Variants in GOPC observed in about 807,000 individuals in gnomAD.
GOPC encodes the protein golgi associated PDZ and coiled-coil motif containing, also known as Golgi-associated PDZ and coiled-coil motif-containing protein.
In GOPC, 32 loss-of-function variants were observed where a neutral mutation model predicts 51.2. The ratio of observed to expected loss-of-function variants is 0.63; its 90% confidence interval spans 0.47 to 0.84. The LOEUF is 0.84. Among genes scored for constraint, GOPC ranks in the 40% least tolerant of loss-of-function variants. GOPC has a pLI of 0.00. For synonymous variants in GOPC, 190 were observed against 205.1 expected (o/e 0.93, Z 0.63); for missense variants, 441 against 555.5 (o/e 0.79, Z 2.07).
At chr6:117,574,937 G>C (rs548231258) in intron 4 of GOPC, among the ~76,000 whole-genome samples, 2 of 152,060 alleles carry the variant, frequency 1.3e-5, no homozygotes, top group Non-Finnish European at 2.9e-5. Flanking sequence ...AATTTAGCTG[G>C]CCGTGGTGGC....
chr6:117,598,036 T>A (rs1780225954), intron 1 of GOPC, among the ~76,000 whole-genome samples: 1 of 151,888 alleles, frequency 6.6e-6, no homozygotes, highest in Non-Finnish European at 1.5e-5. Flanking sequence ...AGATACATAA[T>A]GCATGTTCTC....
chr6:117,571,624 G>A (rs538446755), intron 5 of GOPC, among the ~76,000 whole-genome samples: 1 of 152,016 alleles, frequency 6.6e-6, no homozygotes, highest in African/African-American at 2.4e-5. Flanking sequence ...ACCTCTACAC[G>A]AAGTTCATCC....
intron 7 of GOPC, among the ~76,000 whole-genome samples, chr6:117,569,279 T>G (rs1779759826): frequency 6.6e-6 from 1 of 152,226 alleles, no homozygotes; most frequent in Non-Finnish European, 1.5e-5. Flanking sequence ...GTACTTTATA[T>G]GTATTAACAT....
intron 1 of GOPC, among the ~76,000 whole-genome samples, chr6:117,588,179 G>A (rs922458525): frequency 6.6e-6 from 1 of 151,906 alleles, no homozygotes; most frequent in African/African-American, 2.4e-5. Context: ...CCTGGGACTG[G>A]GTAATTTATA....
intron 1 of GOPC, among the ~76,000 whole-genome samples, chr6:117,596,419 G>T (rs1780199162): frequency 1.3e-5 from 2 of 152,092 alleles, no homozygotes; most frequent in African/African-American, 4.8e-5. Flanking sequence ...ATTTATCTTT[G>T]TTTTTGTTGT....
chr6:117,591,908 TAATGA>T (rs970017062), intron 1 of GOPC, among the ~76,000 whole-genome samples: 1 of 152,222 alleles, frequency 6.6e-6, no homozygotes, highest in African/African-American at 2.4e-5. Context: ...TTGGAAGGAA[TAATGA>T]TTAGGAGACT....
rs1260673132 is a variant in GOPC at position 117,566,867 on chromosome 6, G to T, written c.1245C>A (p.Ile415=). The T allele has an allele frequency of 6.4e-7, 1 of 1,569,746 alleles. No homozygotes were observed. The change falls in exon 8 of 9, where the codon ATC becomes ATA. Residue 415 remains isoleucine, a synonymous_variant. Transcript: ENST00000368498. ...GASCKDTSGE[I]KVLQGFNKKA... is the part of the protein sequence containing the mutation. ...AGTGATTTTTACCTTGTAATACTTTGATTTCCCCACTTGTGTCTTTGCAAC... is the reference window on the plus strand; with the variant it reads ...AGTGATTTTTACCTTGTAATACTTTTATTTCCCCACTTGTGTCTTTGCAAC...
rs1771921850 is a variant in GOPC at position 117,598,389 on chromosome 6, A to T, written c.285+3615T>A. On this transcript the variant is annotated intron_variant, in intron 1 of 8. Transcript: ENST00000368498. ...CCCTGTCTCAAAAAAAGAAAAAAAA[A>T]AGTTGACCTCATAGAAGTAGAGAAT... 5.3e-5 allele frequency among the ~76,000 whole-genome samples: 8 copies of T among 152,048 alleles called. No individual in the cohort carries two copies. The South Asian group carries it at 1.7e-3, about 32-fold the overall frequency.
At chr6:117,581,866 T>C (rs986379451) in intron 1 of GOPC, among the ~76,000 whole-genome samples, 2 of 152,150 alleles carry the variant, frequency 1.3e-5, no homozygotes, top group Non-Finnish European at 2.9e-5. Flanking sequence ...TTCTCTTGAG[T>C]ATATATCTAG....
rs747734760 is a variant in GOPC at position 117,602,159 on chromosome 6, C to A, written c.130G>T (p.Ala44Ser). Residue 44 changes from alanine to serine, a missense_variant, in exon 1 of 9, where the codon GCT (alanine) becomes TCT (serine). Coordinates refer to ENST00000368498, the MANE Select transcript of GOPC (RefSeq NM_020399.4). ...LEVLEKEFDK[A>S]FVDVDLLLGE... ...AGGAGCAGATCCACATCCACAAAAG[C>A]TTTGTCGAACTCCTTCTCCAGCACC... is the stretch of plus-strand genomic sequence containing the variant. 5.6e-6 allele frequency: 9 copies of A among 1,613,942 alleles called. No individual in the cohort carries two copies. The East Asian group carries it at 2.0e-4, about 36-fold the overall frequency.
At chr6:117,567,435 A>G (rs997015227) in intron 7 of GOPC, among the ~76,000 whole-genome samples, 18 of 152,230 alleles carry the variant, frequency 1.2e-4, no homozygotes, top group African/African-American at 4.1e-4. Flanking sequence ...AGGATATCAT[A>G]CAAACCTTTC....
At chr6:117,569,864 G>A in intron 6 of GOPC, 128 bp from the exon 7 acceptor site, 16 of 1,041,794 alleles carry the variant, frequency 1.5e-5, no homozygotes, top group South Asian at 2.8e-5. Context: ...ATAAATGCTG[G>A]GTAAAATTTT....
At chr6:117,583,619 T>A (rs1476845848) in intron 1 of GOPC, among the ~76,000 whole-genome samples, 3 of 152,246 alleles carry the variant, frequency 2.0e-5, no homozygotes, top group African/African-American at 7.2e-5. Flanking sequence ...AATACACATG[T>A]AAAGTCGTCA....
intron 1 of GOPC, among the ~76,000 whole-genome samples, chr6:117,584,487 C>T (rs1384774932): frequency 1.3e-5 from 2 of 152,046 alleles, no homozygotes; most frequent in Non-Finnish European, 2.9e-5. Flanking sequence ...GCACATTTAC[C>T]ATTTTATTAT....
intron 1 of GOPC, 35 bp downstream of exon 1, chr6:117,601,969 G>C (rs1772021560): frequency 2.5e-6 from 4 of 1,605,946 alleles, no homozygotes; most frequent in Non-Finnish European, 3.4e-6. Flanking sequence ...GCAGCCTGGG[G>C]TTGGATGCCA....
intron 1 of GOPC, among the ~76,000 whole-genome samples, chr6:117,593,293 T>C (rs1780146391): frequency 6.6e-6 from 1 of 152,162 alleles, no homozygotes; most frequent in Non-Finnish European, 1.5e-5. Context: ...AACCTCCTAC[T>C]GTCTGCTCCC....
At chr6:117,590,417 C>T (rs973604750) in intron 1 of GOPC, among the ~76,000 whole-genome samples, 1 of 150,946 alleles carries the variant, frequency 6.6e-6, no homozygotes, top group Non-Finnish European at 1.5e-5. Flanking sequence ...CAAAAATTAC[C>T]AAGAATTAGC....
At chr6:117,567,990 A>T (rs1409110928) in intron 7 of GOPC, among the ~76,000 whole-genome samples, 1 of 149,178 alleles carries the variant, frequency 6.7e-6, no homozygotes, top group Non-Finnish European at 1.5e-5. Flanking sequence ...CAGGAATTCT[A>T]GACCAGCCTG....
chr6:117,600,173 T>C (rs916534468), intron 1 of GOPC, among the ~76,000 whole-genome samples: 1 of 152,218 alleles, frequency 6.6e-6, no homozygotes, highest in Non-Finnish European at 1.5e-5. Flanking sequence ...GCAGGGGATC[T>C]GTGCAGAGTA....
Sources: allele counts gnomAD v4.1 joint callset (sites outside exome capture counted in the v4.1 genomes callset), GRCh38; gene constraint gnomAD v4.1.1; transcripts MANE v1.5; gene names NCBI Gene and HGNC (gene_info 2026-07-23, HGNC 2026-07-21).